The following SAMMSON variants were observed in gnomAD, a reference collection of about 807,000 sequenced individuals.
SAMMSON encodes long intergenic non-protein coding RNA 1212.
chr3:70,221,253 C>T (rs948128771), intron 4 of SAMMSON, among the ~76,000 whole-genome samples: 1 of 152,106 alleles, frequency 6.6e-6, no homozygotes, highest in Non-Finnish European at 1.5e-5. Context: ...ATAATGATAG[C>T]TAACATTCAC....
At chr3:70,029,686 T>C (rs1235232697) in intron 3 of SAMMSON, among the ~76,000 whole-genome samples, 1 of 130,238 alleles carries the variant, frequency 7.7e-6, no homozygotes, top group Admixed American at 8.3e-5. Flanking sequence ...ACCCGGGAGA[T>C]GGAGGTTGCA....
At chr3:70,375,732 G>A (rs1575636507) in intron 9 of SAMMSON, among the ~76,000 whole-genome samples, 2 of 152,222 alleles carry the variant, frequency 1.3e-5, no homozygotes, top group South Asian at 2.1e-4. Flanking sequence ...TTTATTTTCT[G>A]CCCCTTATTG....
intron 2 of SAMMSON, among the ~76,000 whole-genome samples, chr3:70,423,735 G>C (rs1342650051): frequency 6.6e-6 from 1 of 152,130 alleles, no homozygotes; most frequent in Admixed American, 6.5e-5. Flanking sequence ...TGTATGTTTG[G>C]GGGTTAGGAA....
intron 3 of SAMMSON, among the ~76,000 whole-genome samples, chr3:70,025,673 G>A (rs377435196): frequency 5.3e-5 from 8 of 152,260 alleles, no homozygotes; most frequent in Admixed American, 3.9e-4. Context: ...AATCCCACGC[G>A]GTTCACAATC....
chr3:70,106,434 G>C (rs2067367408), intron 4 of SAMMSON, among the ~76,000 whole-genome samples: 1 of 151,374 alleles, frequency 6.6e-6, no homozygotes. Flanking sequence ...TCAAACTTAT[G>C]GGCTCAAGCA....
At chr3:70,430,668 C>T (rs1016089369) in intron 2 of SAMMSON, among the ~76,000 whole-genome samples, 1 of 152,058 alleles carries the variant, frequency 6.6e-6, no homozygotes, top group Non-Finnish European at 1.5e-5. Context: ...AATATTTTAC[C>T]ATTATTTTTA....
intron 4 of SAMMSON, chr3:70,204,969 G>T (rs1482051078): frequency 2.0e-5 from 3 of 151,940 alleles, no homozygotes; most frequent in Non-Finnish European, 4.4e-5. Flanking sequence ...TTTTGTAGAG[G>T]CCTCTCTGCC....
At chr3:70,229,396 T>C (rs768520461) in intron 4 of SAMMSON, among the ~76,000 whole-genome samples, 2 of 152,206 alleles carry the variant, frequency 1.3e-5, no homozygotes, top group East Asian at 1.9e-4. Context: ...ATCATTTTAA[T>C]TACCCTCTCT....
intron 7 of SAMMSON, among the ~76,000 whole-genome samples, chr3:70,317,013 G>T (rs1322702029): frequency 6.6e-6 from 1 of 151,982 alleles, no homozygotes; most frequent in African/African-American, 2.4e-5. Flanking sequence ...GATATTCTTG[G>T]TTCCTCTGGG....
chr3:70,189,328 A>G (rs545403171), intron 4 of SAMMSON, among the ~76,000 whole-genome samples: 1 of 152,312 alleles, frequency 6.6e-6, no homozygotes, highest in Admixed American at 6.5e-5. Context: ...GAGGGCAGAG[A>G]AAAGTACATT....
At chr3:70,342,536 A>G (rs1365367913) in intron 7 of SAMMSON, among the ~76,000 whole-genome samples, 8 of 152,190 alleles carry the variant, frequency 5.3e-5, no homozygotes, top group Admixed American at 5.2e-4. Context: ...TACCTTCTGA[A>G]GAACTCAATT....
At chr3:70,177,296 T>G (rs1310551744) in intron 4 of SAMMSON, among the ~76,000 whole-genome samples, 3 of 152,244 alleles carry the variant, frequency 2.0e-5, no homozygotes, top group Non-Finnish European at 2.9e-5. Context: ...TGCTGAAAGA[T>G]CTGCACAGGG....
intron 3 of SAMMSON, among the ~76,000 whole-genome samples, chr3:70,044,978 G>A (rs1440946644): frequency 3.1e-5 from 4 of 129,840 alleles, no homozygotes; most frequent in Non-Finnish European, 6.3e-5. Context: ...ATTACATAAA[G>A]TAAAATACTT....
chr3:70,086,934 G>C (rs1312844184), intron 4 of SAMMSON, among the ~76,000 whole-genome samples: 5 of 152,204 alleles, frequency 3.3e-5, no homozygotes. Flanking sequence ...CTGAGGTATA[G>C]AGAAAGTAAA....
intron 6 of SAMMSON, among the ~76,000 whole-genome samples, chr3:70,258,907 C>A (rs1318399714): frequency 1.3e-5 from 2 of 151,730 alleles, no homozygotes; most frequent in African/African-American, 4.8e-5. Context: ...TCTTCAATTT[C>A]TTTAATTTTT....
intron 4 of SAMMSON, among the ~76,000 whole-genome samples, chr3:70,238,942 T>C (rs1701638891): frequency 6.6e-6 from 1 of 152,220 alleles, no homozygotes; most frequent in African/African-American, 2.4e-5. Context: ...TTAAATTCTC[T>C]AAATCTAATT....
chr3:70,138,511 A>C (rs2067515124), intron 4 of SAMMSON, among the ~76,000 whole-genome samples: 1 of 152,176 alleles, frequency 6.6e-6, no homozygotes, highest in Non-Finnish European at 1.5e-5. Context: ...ATCACTTAGC[A>C]AAGGCCCTAC....
intron 4 of SAMMSON, among the ~76,000 whole-genome samples, chr3:70,224,597 C>A (rs1018709257): frequency 1.6e-4 from 25 of 152,222 alleles, no homozygotes; most frequent in African/African-American, 6.0e-4. Flanking sequence ...TTACAACTGC[C>A]CCTTTGGCTT....
chr3:70,227,817 A>T (rs919674420), intron 4 of SAMMSON, among the ~76,000 whole-genome samples: 5 of 152,126 alleles, frequency 3.3e-5, no homozygotes, highest in Non-Finnish European at 1.5e-5. Context: ...GGTAATACAA[A>T]CTGTGAATTA....
Sources: gnomAD v4.1 joint callset for allele counts (sites outside exome capture counted in the v4.1 genomes callset) on GRCh38, gnomAD v4.1.1 for gene constraint, MANE v1.5 for transcripts, NCBI Gene and HGNC (gene_info 2026-07-23, HGNC 2026-07-21) for gene names.